The following ZNF653 variants were observed in gnomAD, a reference collection of about 807,000 sequenced individuals.
ZNF653 encodes the protein 67 kDa zinc finger protein.
ZNF653 carries 37 observed loss-of-function variants against 59.9 expected under a neutral mutation model. That is an observed-to-expected ratio of 0.62 (90% CI 0.48 to 0.81). The LOEUF (loss-of-function observed/expected upper bound fraction) is 0.81. ZNF653 is among the 40% of genes least tolerant of loss of function. The pLI is 0.00. For missense variants in ZNF653, 808 were observed against 881.1 expected (o/e 0.92, Z 1.05); for synonymous variants, 435 against 371.8 (o/e 1.17, Z -1.96).
At chr19:11,498,735 C>T (rs573440453) in intron 1 of ZNF653, among the ~76,000 whole-genome samples, 5 of 146,434 alleles carry the variant, frequency 3.4e-5, no homozygotes, top group Admixed American at 2.1e-4. Flanking sequence ...TGAGCCGCCA[C>T]GCCTGCCCTG....
intron 1 of ZNF653, chr19:11,500,865 G>A (rs1719867716): frequency 6.6e-6 from 1 of 152,306 alleles, no homozygotes; most frequent in Non-Finnish European, 1.5e-5. Context: ...TCACCATGGG[G>A]ACCAAACAAG....
In ZNF653 at chr19:11,505,715, G is replaced by C. The variant is rs1159413274; in HGVS notation, c.72C>G (p.Ala24=). The C allele has an allele frequency of 1.4e-5, 20 of 1,476,316 alleles. No homozygotes were observed. The South Asian group carries it at 1.8e-4, about 13-fold the overall frequency. The allele number at this position is 1,476,316 out of a possible 1,614,324, so 91.5% of individuals were successfully genotyped here. ...CCTTTCGGCCCGCTGCGCCCTCCTC[G>C]GCTGCTGCCTCCCCGCCCGCGCCCG... ...AEAGAGGEAA[A]EEGAAGRKAR... Residue 24 remains alanine, a synonymous_variant, in exon 1 of 9, where the codon GCC becomes GCG. Coordinates refer to ENST00000293771, the MANE Select transcript of ZNF653 (RefSeq NM_138783.4).
At position 11,505,767 on chromosome 19, in the gene ZNF653, T is replaced by A; in HGVS notation, c.20A>T (p.Glu7Val). ...CTCAGCCTCCGCCTCCGCCTCGGGCTCTAGCGCCCGCTCCGCCATCCCCCC... is the reference window on the plus strand; with the variant it reads ...CTCAGCCTCCGCCTCCGCCTCGGGCACTAGCGCCCGCTCCGCCATCCCCCC... Reference protein sequence around the residue: MAERALEPEAEAEAEAG... With the variant: MAERALVPEAEAEAEAG... Residue 7 changes from glutamate to valine, a missense_variant, in exon 1 of 9, where the codon GAG (glutamate) becomes GTG (valine). Glu to Val is a moderately radical substitution (Grantham distance 121, BLOSUM62 -2). Transcript: ENST00000293771. The A allele has an allele frequency of 1.4e-6, 2 of 1,391,914 alleles. No homozygotes were observed. The highest frequency in any genetic ancestry group is 1.8e-6 in the Non-Finnish European group (2 of 1,084,078). The allele number at this position is 1,391,914 out of a possible 1,614,324, so 86.2% of individuals were successfully genotyped here. A position where few individuals can be genotyped will look rare whatever the true frequency, so the allele number is the denominator to read the frequency against.
At chr19:11,501,907 G>A (rs1971649292) in intron 1 of ZNF653, among the ~76,000 whole-genome samples, 1 of 151,972 alleles carries the variant, frequency 6.6e-6, no homozygotes, top group South Asian at 2.1e-4. Flanking sequence ...TGATTCTCCT[G>A]CCTCAGCCTC....
At chr19:11,490,235 G>A (rs745721633) in intron 3 of ZNF653, among the ~76,000 whole-genome samples, 1 of 152,186 alleles carries the variant, frequency 6.6e-6, no homozygotes. Flanking sequence ...TCAACTCAGC[G>A]ACAGCCAAAG....
At chr19:11,484,872 C>T (rs1451721497) in intron 7 of ZNF653, among the ~76,000 whole-genome samples, 3 of 150,922 alleles carry the variant, frequency 2.0e-5, no homozygotes, top group African/African-American at 4.9e-5. Flanking sequence ...GCTAACATGG[C>T]GAAACCCTGT....
intron 3 of ZNF653, among the ~76,000 whole-genome samples, chr19:11,493,527 A>T (rs908326125): frequency 1.6e-4 from 25 of 152,196 alleles, no homozygotes; most frequent in African/African-American, 5.1e-4. Context: ...AAGGAGGATC[A>T]GCCCCTCTTT....
intron 1 of ZNF653, among the ~76,000 whole-genome samples, chr19:11,503,904 A>T (rs1460377231): frequency 1.3e-5 from 2 of 151,140 alleles, no homozygotes; most frequent in South Asian, 2.1e-4. Flanking sequence ...AGGAGTTTGA[A>T]ATCAGCCTGG....
chr19:11,492,262 C>T (rs894986244), intron 3 of ZNF653, among the ~76,000 whole-genome samples: 2 of 151,886 alleles, frequency 1.3e-5, no homozygotes, highest in Non-Finnish European at 2.9e-5. Context: ...GGACAGGCTG[C>T]GAACTCCTGA....
intron 1 of ZNF653, among the ~76,000 whole-genome samples, chr19:11,499,228 G>T (rs12609195): frequency 0.04 from 6,051 of 152,306 alleles, 147 homozygotes; most frequent in Admixed American, 0.07. Context: ...AACAAAGTGG[G>T]TATGAAAAGT....
rs1599565826 is a variant in ZNF653 at position 11,495,886 on chromosome 19, T to C, written c.559+64A>G. 6.7e-7 allele frequency: 1 copy of C among 1,502,756 alleles called. No homozygotes were observed. The highest frequency in any genetic ancestry group is 9.1e-7 in the Non-Finnish European group (1 of 1,102,496). The allele number at this position is 1,502,756 out of a possible 1,614,324, so 93.1% of individuals were successfully genotyped here. A position where few individuals can be genotyped will look rare whatever the true frequency, so the allele number is the denominator to read the frequency against. On this transcript the variant is annotated intron_variant, in intron 3 of 8. Transcript: ENST00000293771. The surrounding 1 kb of genome is among the most constrained non-coding windows in gnomAD (Gnocchi z 4.9). ...TGCTATTCTGTTTGTGATGCTAGCC[T>C]AGGGCTCGTAAGAAGCCCCCAGAAA...
intron 3 of ZNF653, among the ~76,000 whole-genome samples, chr19:11,494,025 T>A (rs1268104731): frequency 1.4e-5 from 2 of 143,606 alleles, no homozygotes; most frequent in African/African-American, 2.6e-5. Context: ...TTAAAAAAAA[T>A]AAATAAAAAT....
At chr19:11,488,496 G>C (rs1267108447) in intron 3 of ZNF653, among the ~76,000 whole-genome samples, 1 of 151,758 alleles carries the variant, frequency 6.6e-6, no homozygotes, top group African/African-American at 2.4e-5. Context: ...ATGTTGGCCA[G>C]GCTGGTCTCA....
At chr19:11,494,445 C>T (rs367854379) in intron 3 of ZNF653, among the ~76,000 whole-genome samples, 4 of 152,072 alleles carry the variant, frequency 2.6e-5, no homozygotes, top group Admixed American at 2.0e-4. Flanking sequence ...AATCCCAGAA[C>T]TTTGGAAGGC....
intron 3 of ZNF653, among the ~76,000 whole-genome samples, chr19:11,492,374 G>A (rs1326581301): frequency 6.6e-6 from 1 of 151,724 alleles, no homozygotes; most frequent in Non-Finnish European, 1.5e-5. Flanking sequence ...TTTTGAGACA[G>A]TGTCTCCCTC....
At chr19:11,499,333 G>A (rs749106460) in intron 1 of ZNF653, among the ~76,000 whole-genome samples, 32 of 152,234 alleles carry the variant, frequency 2.1e-4, no homozygotes, top group Non-Finnish European at 4.0e-4. Context: ...AGGCCTGTGA[G>A]TAGGACTGGA....
intron 7 of ZNF653, among the ~76,000 whole-genome samples, chr19:11,485,012 A>C (rs549827670): frequency 6.6e-6 from 1 of 151,720 alleles, no homozygotes; most frequent in African/African-American, 2.4e-5. Flanking sequence ...ATCGGATTCC[A>C]GCCCGGGCAA....
chr19:11,505,585 G>C lies in ZNF653; in HGVS notation c.202C>G (p.Pro68Ala). 6.6e-7 allele frequency: 1 copy of C among 1,511,308 alleles called. No individual in the cohort carries two copies. The highest frequency in any genetic ancestry group is 8.8e-7 in the Non-Finnish European group (1 of 1,138,154). 93.6% of individuals were successfully genotyped at this position (1,511,308 alleles called of 1,614,324 possible). A position where few individuals can be genotyped will look rare whatever the true frequency, so the allele number is the denominator to read the frequency against. Residue 68 changes from proline (P) to alanine (A), a missense_variant, in exon 1 of 9, where the codon CCC (proline) becomes GCC (alanine). Coordinates refer to ENST00000293771, the MANE Select transcript of ZNF653 (RefSeq NM_138783.4). ...CTGCGGCGCCGCAGGTCCACCCAGG[G>C]CCCGTGCGCCTCGCCCAGGTACACG... ...RRVYLGEAHG[P>A]WVDLRRRSGW...
intron 1 of ZNF653, 110 bp downstream of exon 1, chr19:11,505,378 G>C: frequency 8.6e-7 from 1 of 1,167,442 alleles, no homozygotes; most frequent in Non-Finnish European, 1.1e-6. Context: ...GCTCCTGGGC[G>C]GGGTCCGCAG....
Sources: allele counts gnomAD v4.1 joint callset (sites outside exome capture counted in the v4.1 genomes callset), GRCh38; gene constraint gnomAD v4.1.1; non-coding constraint Gnocchi (gnomAD v3.1); transcripts MANE v1.5; gene names NCBI Gene and HGNC (gene_info 2026-07-23, HGNC 2026-07-21).